Variants in TMEM25 observed in about 807,000 individuals in gnomAD.
TMEM25 encodes the protein transmembrane protein 25.
In TMEM25, 36 loss-of-function variants were observed where a neutral mutation model predicts 37.0. That is an observed-to-expected ratio of 0.97 (90% CI 0.75 to 1.28). The LOEUF (loss-of-function observed/expected upper bound fraction) is 1.28, where lower values mean the gene tolerates loss of function less well. Among genes scored for constraint, TMEM25 ranks in the 50% most tolerant of loss-of-function variants. The pLI, the probability that TMEM25 is intolerant of heterozygous loss-of-function variation, is 0.00. For missense variants in TMEM25, 444 were observed against 477.9 expected (o/e 0.93, Z 0.66); for synonymous variants, 197 against 203.7 (o/e 0.97, Z 0.28).
In TMEM25 at chr11:118,532,178, T is replaced by C. The variant is rs782687208; in HGVS notation, c.99T>C (p.Asp33=). The part of the protein sequence containing the change: ...SGWGELEPQI[D]GQTWAERALR... ...GGGGGGAGTTGGAGCCACAAATAGA[T>C]GGTCAGACCTGGGCTGAGCGGGCAC... The change falls in exon 3 of 9, where the codon GAT becomes GAC. Residue 33 remains aspartate, a synonymous_variant. Transcript: ENST00000313236. The C allele has an allele frequency of 6.3e-7, 1 of 1,581,998 alleles. No individual in the cohort carries two copies. The highest frequency in any genetic ancestry group is 8.6e-7 in the Non-Finnish European group (1 of 1,162,512).
chr11:118,535,454 C>A lies in TMEM25; in HGVS notation c.*874C>A. 1 of 1,491,932 alleles carries A rather than the reference C, an allele frequency of 6.7e-7. No homozygotes were observed. Among genetic ancestry groups the A allele is most frequent in the Non-Finnish European group, 8.9e-7 (1 of 1,119,784 alleles). 92.4% of individuals were successfully genotyped at this position (1,491,932 alleles called of 1,614,324 possible). A position where few individuals can be genotyped will look rare whatever the true frequency, so the allele number is the denominator to read the frequency against. Reference sequence around the variant, plus strand: ...TTGTGGCTTCCCCACGTTTGGCCTTCTGGGATTCACTGTGAGTGTCCTGAG... The same window carrying A: ...TTGTGGCTTCCCCACGTTTGGCCTTATGGGATTCACTGTGAGTGTCCTGAG... On this transcript the variant is annotated 3_prime_UTR_variant, in exon 9 of 9. Coordinates refer to ENST00000313236, the MANE Select transcript of TMEM25 (RefSeq NM_032780.4).
Position 118,534,114 on chromosome 11 carries a change from A to C in TMEM25, c.922A>C (p.Thr308Pro). Residue 308 changes from threonine to proline, a missense_variant, in exon 7 of 9, where the codon ACT becomes CCT. Coordinates refer to ENST00000313236, the MANE Select transcript of TMEM25 (RefSeq NM_032780.4). The surrounding 1 kb of genome is among the most constrained non-coding windows in gnomAD (Gnocchi z 4.6). Reference sequence around the variant, plus strand: ...GTCCAACCTTCAGCTCAATGACCTCACTCCAGATTCCAGAGGTATATCTAG... The same window carrying C: ...GTCCAACCTTCAGCTCAATGACCTCCCTCCAGATTCCAGAGGTATATCTAG... Reference protein sequence around the residue: ...LPSNLQLNDLTPDSRAVKPAD... With the variant: ...LPSNLQLNDLPPDSRAVKPAD... The C allele has an allele frequency of 6.2e-7, 1 of 1,613,536 alleles. No homozygotes were observed. The highest frequency in any genetic ancestry group is 8.5e-7 in the Non-Finnish European group (1 of 1,179,868).
rs377348449 is a variant in TMEM25 at position 118,532,206 on chromosome 11, C to T, written c.127C>T (p.Arg43Trp). 6.2e-6 allele frequency: 10 copies of T among 1,608,450 alleles called. No homozygotes were observed. The African/African-American group carries it at 6.7e-5, about 11-fold the overall frequency. ...TCAGACCTGGGCTGAGCGGGCACTTCGGGAGAATGAACGCCACGCCTTCAC... is the reference window on the plus strand; with the variant it reads ...TCAGACCTGGGCTGAGCGGGCACTTTGGGAGAATGAACGCCACGCCTTCAC... ...DGQTWAERALRENERHAFTCR... is the reference protein window; with the variant it reads ...DGQTWAERALWENERHAFTCR... The change falls in exon 3 of 9, where the codon CGG (arginine) becomes TGG (tryptophan). Residue 43 changes from arginine (R) to tryptophan (W), a missense_variant. Transcript: ENST00000313236.
At chr11:118,540,020 CAAAAAA>C (rs200560621), downstream of TMEM25, among the ~76,000 whole-genome samples, 1 of 80,382 alleles carries the variant, frequency 1.2e-5, no homozygotes. Context: ...GACTCCGTCT[CAAAAAA>C]AAAAAAAAAA....
downstream of TMEM25, among the ~76,000 whole-genome samples, chr11:118,538,675 T>G (rs2135429337): frequency 1.3e-5 from 2 of 152,088 alleles, no homozygotes; most frequent in Middle Eastern, 6.8e-3. Context: ...GGTGGATCAC[T>G]TGCACTCAGG....
At chr11:118,544,229 T>C (rs1951622814) in intron 8 of TMEM25, among the ~76,000 whole-genome samples, 1 of 152,138 alleles carries the variant, frequency 6.6e-6, no homozygotes, top group African/African-American at 2.4e-5. Flanking sequence ...CAATCACCTC[T>C]CACCTGGATT....
rs569354780 is a variant in TMEM25 at position 118,534,963 on chromosome 11, G to T, written c.*383G>T. On this transcript the variant is annotated 3_prime_UTR_variant, in exon 9 of 9. Coordinates refer to ENST00000313236, the MANE Select transcript of TMEM25 (RefSeq NM_032780.4). The surrounding 1 kb of genome is among the most constrained non-coding windows in gnomAD (Gnocchi z 4.6). Reference sequence around the variant, plus strand: ...TACTCCACAGCACCTTGTACAGTAGGCATGGGGGCGTGCCTGTGTGGGGGA... The same window carrying T: ...TACTCCACAGCACCTTGTACAGTAGTCATGGGGGCGTGCCTGTGTGGGGGA... 190 of 1,077,584 alleles carry T rather than the reference G, an allele frequency of 1.8e-4. 4 individuals carry two copies. The South Asian group carries it at 5.7e-3, about 32-fold the overall frequency. 66.8% of individuals were successfully genotyped at this position (1,077,584 alleles called of 1,614,324 possible). A position where few individuals can be genotyped will look rare whatever the true frequency, so the allele number is the denominator to read the frequency against.
chr11:118,531,460 T>G, intron 1 of TMEM25: 1 of 471,966 alleles, frequency 2.1e-6, no homozygotes. Flanking sequence ...GCGTGGAGTA[T>G]GTGTGTGAGT....
chr11:118,533,265 C>A, intron 4 of TMEM25, 58 bp downstream of exon 4: 1 of 1,557,948 alleles, frequency 6.4e-7, no homozygotes. Context: ...GGGTCCCGTC[C>A]CCATACAGAA....
downstream of TMEM25, among the ~76,000 whole-genome samples, chr11:118,537,690 C>A (rs992107418): frequency 2.0e-5 from 3 of 152,182 alleles, no homozygotes; most frequent in African/African-American, 7.2e-5. Context: ...ATTTTGATTT[C>A]TTTTCCTTTT....
At chr11:118,544,642 A>C (rs1951631816) in intron 8 of TMEM25, 1 of 387,294 alleles carries the variant, frequency 2.6e-6, no homozygotes, top group African/African-American at 2.0e-5. Flanking sequence ...CTCCCAATCT[A>C]ACCTCCATGG....
chr11:118,538,706 A>G (rs937734941), downstream of TMEM25, among the ~76,000 whole-genome samples: 1 of 152,056 alleles, frequency 6.6e-6, no homozygotes, highest in African/African-American at 2.4e-5. Flanking sequence ...CAGCCTGGCC[A>G]ACATGGCAAA....
intron 3 of TMEM25, 89 bp downstream of exon 3, chr11:118,532,550 C>G: frequency 1.4e-6 from 2 of 1,438,166 alleles, no homozygotes; most frequent in South Asian, 1.3e-5. Flanking sequence ...GGACATTTAG[C>G]AGACACTTAA....
intron 8 of TMEM25, among the ~76,000 whole-genome samples, chr11:118,544,200 A>G (rs1006705230): frequency 6.6e-6 from 1 of 152,174 alleles, no homozygotes; most frequent in East Asian, 1.9e-4. Flanking sequence ...GAATCTGTCC[A>G]TCTCTACTAC....
rs782277600 is a variant in TMEM25 at position 118,535,615 on chromosome 11, G to C, written c.*1035G>C. ...GTCGCCACAGGCACATAATTCAACA[G>C]TGTGGAAGCTTTAGGGGAACATGGA... On this transcript the variant is annotated 3_prime_UTR_variant, in exon 9 of 9. Transcript: ENST00000313236. The C allele has an allele frequency of 3.0e-5, 33 of 1,116,584 alleles. No individual in the cohort carries two copies. The highest frequency in any genetic ancestry group is 2.3e-4 in the Middle Eastern group (1 of 4,340). The allele number at this position is 1,116,584 out of a possible 1,614,324, so 69.2% of individuals were successfully genotyped here.
At position 118,545,634 on chromosome 11, in the gene TMEM25, T is replaced by G. The variant is rs139782741; in HGVS notation, c.1028-485T>G. The G allele has an allele frequency of 1.3e-4, 135 of 1,067,062 alleles. No individual in the cohort carries two copies. The East Asian group carries it at 2.7e-3, about 22-fold the overall frequency. The allele number at this position is 1,067,062 out of a possible 1,614,324, so 66.1% of individuals were successfully genotyped here. Reference sequence around the variant, plus strand: ...GTTAAATACCCAGCAGGTAGTCACATAAGCCAAACACCACCTTTGAGTGCT... The same window carrying G: ...GTTAAATACCCAGCAGGTAGTCACAGAAGCCAAACACCACCTTTGAGTGCT... On this transcript the variant is annotated intron_variant, in intron 8 of 8. Transcript: ENST00000354284.
At chr11:118,545,443 A>T in intron 8 of TMEM25, 1 of 1,613,722 alleles carries the variant, frequency 6.2e-7, no homozygotes, top group Non-Finnish European at 8.5e-7. Context: ...GAGGGAAAAG[A>T]GCAGATGGAG....
chr11:118,532,060 C>A, intron 2 of TMEM25, 90 bp from the exon 3 acceptor site: 2 of 1,428,820 alleles, frequency 1.4e-6, no homozygotes, highest in South Asian at 1.4e-5. Context: ...TTCCTTTGGC[C>A]TGCTGCTCTT....
At chr11:118,545,293 G>A (rs1951650761) in intron 8 of TMEM25, 2 of 829,130 alleles carry the variant, frequency 2.4e-6, no homozygotes, top group Non-Finnish European at 4.0e-6. Context: ...AAGGGCGAAG[G>A]TAACTGGGCA....
Sources: gnomAD v4.1 joint callset for allele counts (sites outside exome capture counted in the v4.1 genomes callset) on GRCh38, gnomAD v4.1.1 for gene constraint, Gnocchi (gnomAD v3.1) non-coding constraint, MANE v1.5 for transcripts, NCBI Gene and HGNC (gene_info 2026-07-23, HGNC 2026-07-21) for gene names.